The following CARNMT1 variants were observed in gnomAD, a reference collection of about 807,000 sequenced individuals.
CARNMT1 encodes the protein carnosine N-methyltransferase 1.
A neutral mutation model predicts 49.6 loss-of-function variants in CARNMT1; 28 were observed. That is an observed-to-expected ratio of 0.56 (90% CI 0.42 to 0.77). The LOEUF (loss-of-function observed/expected upper bound fraction) is 0.77, where lower values mean the gene tolerates loss of function less well. Ranked by LOEUF, CARNMT1 falls within the 30% of genes least tolerant of loss-of-function variation. The pLI is 0.00. For synonymous variants in CARNMT1, 178 were observed against 175.0 expected (o/e 1.02, Z -0.13); for missense variants, 421 against 512.6 (o/e 0.82, Z 1.73).
intron 1 of CARNMT1, among the ~76,000 whole-genome samples, chr9:75,026,475 T>A (rs1822533085): frequency 6.6e-6 from 1 of 152,366 alleles, no homozygotes; most frequent in Non-Finnish European, 1.5e-5. Context: ...TCTCCCACTC[T>A]TAGCTATCTG....
At chr9:75,028,349 A>AG (rs1822595215), upstream of CARNMT1, 1 of 1,304,194 alleles carries the variant, frequency 7.7e-7, no homozygotes, top group East Asian at 3.2e-5. Flanking sequence ...ACATGCCCCC[A>AG]GCTCGCGGCG....
At chr9:74,987,344 G>T (rs1220891360) in intron 6 of CARNMT1, among the ~76,000 whole-genome samples, 1 of 152,142 alleles carries the variant, frequency 6.6e-6, no homozygotes, top group Admixed American at 6.6e-5. Flanking sequence ...CATATTTAAT[G>T]CAACTTTATT....
In CARNMT1 at chr9:75,016,312, C is replaced by G; in HGVS notation, c.546G>C (p.Gln182His). ...TGKAERDACY[Q>H]PIIKEILKNF... is the part of the protein sequence containing the mutation. The stretch of plus-strand genomic sequence containing the variant: ...TTTTTAAAATTTCTTTAATGATTGG[C>G]TGGTAACAGGCATCCCTTTCTGCTT... The change falls in exon 3 of 8, where the codon CAG (glutamine) becomes CAC (histidine). Residue 182 changes from glutamine (Q) to histidine (H), a missense_variant. Physicochemically the swap from Gln to His is conservative, Grantham distance 24 (BLOSUM62 0). Around this residue, in one of 2 missense-constraint regions of CARNMT1, gnomAD observed 235 missense variants for 344.8 expected, o/e 0.68. Coordinates refer to ENST00000376834, the MANE Select transcript of CARNMT1 (RefSeq NM_152420.3). The G allele has an allele frequency of 6.2e-7, 1 of 1,613,706 alleles. No individual in the cohort carries two copies. The highest frequency in any genetic ancestry group is 8.5e-7 in the Non-Finnish European group (1 of 1,179,876).
chr9:75,026,940 G>A (rs1822545451), intron 1 of CARNMT1: 8 of 454,140 alleles, frequency 1.8e-5, no homozygotes, highest in South Asian at 1.5e-4. Context: ...TGCCCTTGAG[G>A]AGGTCACAGC....
intron 1 of CARNMT1, among the ~76,000 whole-genome samples, chr9:75,020,244 T>C (rs1430684708): frequency 2.0e-5 from 3 of 151,132 alleles, no homozygotes; most frequent in Non-Finnish European, 4.4e-5. Context: ...GAAGTATTTT[T>C]CATTTTCTAT....
intron 5 of CARNMT1, among the ~76,000 whole-genome samples, chr9:74,997,600 A>T (rs2118786115): frequency 6.6e-6 from 1 of 151,540 alleles, no homozygotes; most frequent in East Asian, 2.0e-4. Flanking sequence ...TTCCCTTGCC[A>T]TTCCCCATCT....
intron 6 of CARNMT1, among the ~76,000 whole-genome samples, chr9:74,994,659 GA>G (rs982006761): frequency 2.0e-5 from 3 of 152,076 alleles, no homozygotes. Context: ...CATAAAAAAT[GA>G]AAAACACAGA....
intron 3 of CARNMT1, among the ~76,000 whole-genome samples, chr9:75,009,386 A>C (rs1833617653): frequency 6.6e-6 from 1 of 152,082 alleles, no homozygotes; most frequent in South Asian, 2.1e-4. Flanking sequence ...GTTTGCCACC[A>C]TGCCCAACCC....
intron 1 of CARNMT1, among the ~76,000 whole-genome samples, chr9:75,025,307 A>T (rs1219429490): frequency 6.6e-6 from 1 of 152,228 alleles, no homozygotes. Context: ...AGACAAAAGC[A>T]GAGTGATTAT....
rs377195956 is a variant in CARNMT1, at chr9:74,994,719, CT to C, written c.1024+1727del. Among the ~76,000 whole-genome samples, 42 of 148,652 alleles carry C rather than the reference CT, an allele frequency of 2.8e-4. 1 individual carries two copies. Among genetic ancestry groups the C allele is most frequent in the Admixed American group, 4.7e-4 (7 of 14,910 alleles). ...ATTTAAAAGAAAGCTGATTCTGAGACTTTTTTTTTTACATTCTTTAACTTAT... is the reference window on the plus strand; with the variant it reads ...ATTTAAAAGAAAGCTGATTCTGAGACTTTTTTTTTACATTCTTTAACTTAT... On this transcript the variant is annotated intron_variant, in intron 6 of 7. Coordinates refer to ENST00000376834, the MANE Select transcript of CARNMT1 (RefSeq NM_152420.3).
At chr9:75,007,380 C>G (rs761674060) in intron 3 of CARNMT1, among the ~76,000 whole-genome samples, 6 of 152,044 alleles carry the variant, frequency 3.9e-5, no homozygotes, top group Non-Finnish European at 8.8e-5. Context: ...TCAACTGATG[C>G]AAAAAATATA....
chr9:75,001,284 T>C (rs1833345519), intron 3 of CARNMT1, among the ~76,000 whole-genome samples: 1 of 152,310 alleles, frequency 6.6e-6, no homozygotes, highest in South Asian at 2.1e-4. Context: ...GAGTTAGAAA[T>C]TATGCTACCC....
intron 1 of CARNMT1, among the ~76,000 whole-genome samples, chr9:75,019,861 C>A (rs1262030588): frequency 6.6e-6 from 1 of 152,180 alleles, no homozygotes; most frequent in East Asian, 1.9e-4. Context: ...GCTGCAGTCA[C>A]TATCATATTG....
chr9:75,006,856 C>T (rs1365128705), intron 3 of CARNMT1, among the ~76,000 whole-genome samples: 1 of 152,164 alleles, frequency 6.6e-6, no homozygotes, highest in African/African-American at 2.4e-5. Flanking sequence ...GGAAAAGGAA[C>T]AGTGTGTGCT....
chr9:75,008,562 C>T (rs2769044), intron 3 of CARNMT1, among the ~76,000 whole-genome samples: 6,745 of 152,164 alleles, frequency 0.044, 215 homozygotes, highest in South Asian at 0.069. Flanking sequence ...TGCCTCGGCC[C>T]CCCAAAGTGC....
chr9:75,008,630 T>C (rs1368019836), intron 3 of CARNMT1, among the ~76,000 whole-genome samples: 1 of 152,086 alleles, frequency 6.6e-6, no homozygotes, highest in Non-Finnish European at 1.5e-5. Flanking sequence ...CTAACCAAAG[T>C]GAAAGACCTA....
rs530111147 is a variant in CARNMT1 at position 75,017,561 on chromosome 9, C to T, written c.231-113G>A. ...TTTCCTTATTATGCTGGATACTGTC[C>T]TATCATTTACAATCTCTTGGCTTTA... is the stretch of plus-strand genomic sequence containing the variant. On this transcript the variant is annotated intron_variant, in intron 1 of 7. Coordinates refer to ENST00000376834, the MANE Select transcript of CARNMT1 (RefSeq NM_152420.3). The T allele has an allele frequency of 1.7e-4, 139 of 826,364 alleles. No individual in the cohort carries two copies. In the African/African-American group the frequency reaches 2.1e-3, roughly 12 times the overall value. 51.2% of individuals were successfully genotyped at this position (826,364 alleles called of 1,614,324 possible).
intron 5 of CARNMT1, among the ~76,000 whole-genome samples, chr9:74,997,657 T>G (rs564110682): frequency 1.2e-4 from 19 of 152,154 alleles, no homozygotes; most frequent in Admixed American, 2.0e-4. Flanking sequence ...TGTGTACTCT[T>G]TCAAGGTTCT....
chr9:75,017,690 T>G (rs983356591), intron 1 of CARNMT1, among the ~76,000 whole-genome samples: 3 of 152,220 alleles, frequency 2.0e-5, no homozygotes, highest in Admixed American at 6.5e-5. Context: ...AGTAAACATA[T>G]GCACCAATTA....
Sources: gnomAD v4.1 joint callset for allele counts (sites outside exome capture counted in the v4.1 genomes callset) on GRCh38, gnomAD v4.1.1 for gene constraint, gnomAD v4.1.1 regional missense constraint, MANE v1.5 for transcripts, NCBI Gene and HGNC (gene_info 2026-07-23, HGNC 2026-07-21) for gene names.